Variants in AK2 observed in about 807,000 individuals in gnomAD.
The protein encoded by AK2 is adenylate kinase 2.
Under a neutral mutation model 24.6 loss-of-function variants are expected in AK2, and 15 were observed. That is an observed-to-expected ratio of 0.61 (90% CI 0.41 to 0.94). The LOEUF is 0.94. Ranked by LOEUF, AK2 falls within the 40% of genes least tolerant of loss-of-function variation. The pLI, the probability that AK2 is intolerant of heterozygous loss-of-function variation, is 0.00. For missense variants in AK2, 257 were observed against 304.1 expected, an observed-to-expected ratio of 0.85 and a Z score of 1.15; for synonymous variants, 102 against 114.0, an observed-to-expected ratio of 0.90 and a Z score of 0.67.
Position 33,008,501 on chromosome 1 carries a change from T to C in AK2, c.*4680A>G, listed in dbSNP as rs916098650. On this transcript the variant is annotated 3_prime_UTR_variant, in exon 6 of 6. Transcript: ENST00000672715. ...CAAAATCAGTTCCGGCAGCGCTGAG[T>C]GTCCATGGAAAAGAGCTCTTATTCA... is the stretch of plus-strand genomic sequence containing the variant. 4.6e-5 allele frequency: 21 copies of C among 453,908 alleles called. No individual in the cohort carries two copies. The highest frequency in any genetic ancestry group is 4.0e-4 in the African/African-American group (20 of 49,952). 28.1% of individuals were successfully genotyped at this position (453,908 alleles called of 1,614,324 possible).
chr1:33,022,883 T>C (rs371260095), intron 2 of AK2, among the ~76,000 whole-genome samples: 2 of 152,206 alleles, frequency 1.3e-5, no homozygotes, highest in African/African-American at 2.4e-5. Flanking sequence ...GCAATCTCAT[T>C]GCCACATCTC....
chr1:33,024,353 T>C (rs1639740584), intron 2 of AK2, 89 bp downstream of exon 2: 3 of 1,545,018 alleles, frequency 1.9e-6, no homozygotes, highest in South Asian at 2.2e-5. Flanking sequence ...TTAATCTAAA[T>C]AGCCACCTGT....
intron 1 of AK2, among the ~76,000 whole-genome samples, chr1:33,035,776 C>T (rs1569765161): frequency 6.6e-6 from 1 of 152,138 alleles, no homozygotes; most frequent in Non-Finnish European, 1.5e-5. Flanking sequence ...CTCCATGGTT[C>T]CTGAGGTCTC....
At chr1:33,031,404 T>C in intron 1 of AK2, 1 of 318,942 alleles carries the variant, frequency 3.1e-6, no homozygotes, top group Non-Finnish European at 6.3e-6. Context: ...AAAGGACCTA[T>C]CTCCTAGTGT....
chr1:33,008,788 T>A lies in AK2; in HGVS notation c.*4393A>T, dbSNP rs974845922. On this transcript the variant is annotated 3_prime_UTR_variant, in exon 6 of 6. Coordinates refer to ENST00000672715, the MANE Select transcript of AK2 (RefSeq NM_001625.4). ...CCTTTGCATAATACCTGGCACAACG[T>A]CAGTCTTCCGGGAGTGGTAGGACTA... The A allele has an allele frequency of 2.2e-6, 1 of 454,116 alleles. No individual in the cohort carries two copies. Among genetic ancestry groups the A allele is most frequent in the Admixed American group, 2.3e-5 (1 of 42,572 alleles). 28.1% of individuals were successfully genotyped at this position (454,116 alleles called of 1,614,324 possible). A position where few individuals can be genotyped will look rare whatever the true frequency, so the allele number is the denominator to read the frequency against.
intron 1 of AK2, among the ~76,000 whole-genome samples, chr1:33,030,403 T>C (rs546459583): frequency 3.9e-5 from 6 of 152,030 alleles, no homozygotes; most frequent in African/African-American, 1.4e-4. Context: ...TTTTTTTTTT[T>C]AATTAGCTGG....
Position 33,036,809 on chromosome 1 carries a change from G to A in AK2, c.20C>T (p.Ala7Val), listed in dbSNP as rs901174354. Residue 7 changes from alanine to valine, a missense_variant, in exon 1 of 6, where the codon GCG becomes GTG. Ala to Val is a moderately conservative substitution (Grantham distance 64). Transcript: ENST00000672715. ...GCCTTTAGGATACTCGGGTTCTGCC[G>A]CTGGCACGCTGGGAGCCATGTCCGC... is the stretch of plus-strand genomic sequence containing the variant. MAPSVP[A>V]AEPEYPKGIR... 1.1e-5 allele frequency: 18 copies of A among 1,594,048 alleles called. No individual in the cohort carries two copies. The highest frequency in any genetic ancestry group is 1.4e-5 in the Non-Finnish European group (16 of 1,171,178).
chr1:33,013,052 G>A lies in AK2; in HGVS notation c.*129C>T, dbSNP rs752483572. The A allele has an allele frequency of 2.5e-6, 4 of 1,601,788 alleles. No individual in the cohort carries two copies. The South Asian group carries it at 3.3e-5, about 13-fold the overall frequency. ...AGCACACACGCCAAAGATACATCAA[G>A]CAAGTGCTTTTTTAATCAATACATC... On this transcript the variant is annotated 3_prime_UTR_variant, in exon 6 of 6. Coordinates refer to ENST00000672715, the MANE Select transcript of AK2 (RefSeq NM_001625.4).
chr1:33,013,003 A>C lies in AK2; in HGVS notation c.*178T>G, dbSNP rs891195808. 6 of 1,591,502 alleles carry C rather than the reference A, an allele frequency of 3.8e-6. No individual in the cohort carries two copies. Among genetic ancestry groups the C allele is most frequent in the East Asian group, 2.2e-5 (1 of 44,462 alleles). On this transcript the variant is annotated 3_prime_UTR_variant, in exon 6 of 6. Coordinates refer to ENST00000672715, the MANE Select transcript of AK2 (RefSeq NM_001625.4). Reference sequence around the variant, plus strand: ...GTGCATGCACACACACACACACACAACACACATACACACAGATGAGAGTAG... The same window carrying C: ...GTGCATGCACACACACACACACACACCACACATACACACAGATGAGAGTAG...
In AK2 at chr1:33,012,077, G is replaced by A. The variant is rs1213567735; in HGVS notation, c.*1104C>T. The stretch of plus-strand genomic sequence containing the variant: ...AAATAAAAGCAAATAAACCTACCCT[G>A]GTCTCTTTTTGGGGAAGTAGATTTG... On this transcript the variant is annotated 3_prime_UTR_variant, in exon 6 of 6. Transcript: ENST00000672715. The A allele has an allele frequency of 6.5e-7, 1 of 1,535,256 alleles. No homozygotes were observed. The highest frequency in any genetic ancestry group is 8.7e-7 in the Non-Finnish European group (1 of 1,146,726).
intron 1 of AK2, 38 bp downstream of exon 1, chr1:33,036,698 C>A: frequency 6.5e-7 from 1 of 1,537,668 alleles, no homozygotes; most frequent in South Asian, 1.2e-5. Flanking sequence ...CCTTGGAGTT[C>A]AGCAGGCTCC....
Position 33,013,328 on chromosome 1 carries a change from G to A in AK2, c.573C>T (p.His191=). The A allele has an allele frequency of 1.2e-6, 2 of 1,614,178 alleles. No individual in the cohort carries two copies. The highest frequency in any genetic ancestry group is 1.7e-6 in the Non-Finnish European group (2 of 1,179,978). ...ACTCTATGAGTGGGGTGGTTTGAGTGTGGTAGGCTTGCAGGCGGATTTTCA... is the reference window on the plus strand; with the variant it reads ...ACTCTATGAGTGGGGTGGTTTGAGTATGGTAGGCTTGCAGGCGGATTTTCA... ...KALKIRLQAY[H]TQTTPLIEYY... Residue 191 remains histidine, a synonymous_variant, in exon 6 of 6, where the codon CAC becomes CAT. Coordinates refer to ENST00000672715, the MANE Select transcript of AK2 (RefSeq NM_001625.4).
At position 33,012,555 on chromosome 1, in the gene AK2, G is replaced by C. The variant is rs923291826; in HGVS notation, c.*626C>G. On this transcript the variant is annotated 3_prime_UTR_variant, in exon 6 of 6. Transcript: ENST00000672715. Reference sequence around the variant, plus strand: ...ATTGCGGTCCCTGGAAGATTACCTGGGTTAGTTCATTTTGGTCAAAAAATA... The same window carrying C: ...ATTGCGGTCCCTGGAAGATTACCTGCGTTAGTTCATTTTGGTCAAAAAATA... The C allele has an allele frequency of 1.5e-6, 2 of 1,309,484 alleles. No individual in the cohort carries two copies. The highest frequency in any genetic ancestry group is 4.5e-5 in the Admixed American group (2 of 44,208). 81.1% of individuals were successfully genotyped at this position (1,309,484 alleles called of 1,614,324 possible).
At position 33,010,421 on chromosome 1, in the gene AK2, GACA is replaced by G. The variant is rs1557605635; in HGVS notation, c.*2757_*2759del. The G allele has an allele frequency of 3.9e-6, 2 of 512,322 alleles. No homozygotes were observed. Among genetic ancestry groups the G allele is most frequent in the South Asian group, 1.5e-5 (1 of 65,036 alleles). The allele number at this position is 512,322 out of a possible 1,614,324, so 31.7% of individuals were successfully genotyped here. On this transcript the variant is annotated 3_prime_UTR_variant, in exon 6 of 6. Transcript: ENST00000672715. The stretch of plus-strand genomic sequence containing the variant: ...CCTGTTCCAAGCTATAGACAGACAG[GACA>G]ACAATTTGATTTCCTGTACTCTTGG...
chr1:33,011,439 G>C lies in AK2; in HGVS notation c.*1742C>G, dbSNP rs556669236. On this transcript the variant is annotated 3_prime_UTR_variant, in exon 6 of 6. Transcript: ENST00000672715. ...AAAACAAGGCAGGACAGAGGCAGCAGACACTCACTTGGACCAGGCAAAGAG... is the reference window on the plus strand; with the variant it reads ...AAAACAAGGCAGGACAGAGGCAGCACACACTCACTTGGACCAGGCAAAGAG... The C allele has an allele frequency of 3.1e-6, 4 of 1,287,394 alleles. No homozygotes were observed. Among genetic ancestry groups the C allele is most frequent in the South Asian group, 1.2e-5 (1 of 80,940 alleles). The allele number at this position is 1,287,394 out of a possible 1,614,324, so 79.7% of individuals were successfully genotyped here.
intron 1 of AK2, 98 bp downstream of exon 1, chr1:33,036,638 C>G: frequency 8.3e-7 from 1 of 1,206,192 alleles, no homozygotes; most frequent in Non-Finnish European, 1.2e-6. Context: ...GCCTTAGTCC[C>G]CGGCCCGCTC....
chr1:33,024,890 A>C (rs1639776528), intron 1 of AK2, among the ~76,000 whole-genome samples: 1 of 152,242 alleles, frequency 6.6e-6, no homozygotes, highest in African/African-American at 2.4e-5. Context: ...TTTCCCCATT[A>C]TAAATGGGAA....
Position 33,010,791 on chromosome 1 carries a change from T to A in AK2, c.*2390A>T. The stretch of plus-strand genomic sequence containing the variant: ...TAAGAGCAGGGATCACGCCGCGGGG[T>A]GATGAGCAGTGTTGCAGTCTCGCCT... On this transcript the variant is annotated 3_prime_UTR_variant, in exon 6 of 6. Transcript: ENST00000672715. The A allele has an allele frequency of 6.2e-7, 1 of 1,614,232 alleles. No individual in the cohort carries two copies. The highest frequency in any genetic ancestry group is 8.5e-7 in the Non-Finnish European group (1 of 1,180,050).
rs560329770 is a variant in AK2, at chr1:33,011,544, G to A, written c.*1637C>T. On this transcript the variant is annotated 3_prime_UTR_variant, in exon 6 of 6. Transcript: ENST00000672715. ...ACCTCTGGTAGTCTCACAGATGGCAGGAGAGCTCAGGTCAGGAGGCTGGGC... is the reference window on the plus strand; with the variant it reads ...ACCTCTGGTAGTCTCACAGATGGCAAGAGAGCTCAGGTCAGGAGGCTGGGC... 3.2e-5 allele frequency: 41 copies of A among 1,287,616 alleles called. No homozygotes were observed. The African/African-American group carries it at 5.5e-4, about 17-fold the overall frequency. 79.8% of individuals were successfully genotyped at this position (1,287,616 alleles called of 1,614,324 possible).
Sources: gnomAD v4.1 joint callset for allele counts (sites outside exome capture counted in the v4.1 genomes callset) on GRCh38, gnomAD v4.1.1 for gene constraint, MANE v1.5 for transcripts, NCBI Gene and HGNC (gene_info 2026-07-23, HGNC 2026-07-21) for gene names.